The following EDC4 variants were observed in gnomAD, a reference collection of about 807,000 sequenced individuals.
EDC4 encodes enhancer of mRNA-decapping protein 4.
A neutral mutation model predicts 155.8 loss-of-function variants in EDC4; 64 were observed. The observed-to-expected ratio is 0.41, with a 90% CI of 0.34 to 0.51. EDC4 has a LOEUF of 0.51. Among genes scored for constraint, EDC4 ranks in the 20% least tolerant of loss-of-function variants. The pLI is 0.19. For missense variants in EDC4, 1,303 were observed against 1,812.5 expected (o/e 0.72, Z 5.10); for synonymous variants, 684 against 716.8 (o/e 0.95, Z 0.73).
chr16:67,878,559 T>C lies in EDC4; in HGVS notation c.1112T>C (p.Ile371Thr). The part of the protein sequence containing the change: ...DPDVPFWRFL[I>T]TGADQNRELK... ...AGTGTCCCTTTCTGGAGGTTCCTTA[T>C]TACTGGTGCTGACCAGAACCGAGAG... The change falls in exon 10 of 29, where the codon ATT (isoleucine) becomes ACT (threonine). Residue 371 changes from isoleucine (I) to threonine (T), a missense_variant. Physicochemically the swap from Ile to Thr is moderately conservative, Grantham distance 89. Coordinates refer to ENST00000358933, the MANE Select transcript of EDC4 (RefSeq NM_014329.5). The surrounding 1 kb of genome is among the most constrained non-coding windows in gnomAD (Gnocchi z 5.2). 1 of 1,614,224 alleles carries C rather than the reference T, an allele frequency of 6.2e-7. No individual in the cohort carries two copies. Among genetic ancestry groups the C allele is most frequent in the East Asian group, 2.2e-5 (1 of 44,890 alleles).
chr16:67,879,546 C>T lies in EDC4; in HGVS notation c.1634-41C>T, dbSNP rs1889670825. 1 of 1,613,870 alleles carries T rather than the reference C, an allele frequency of 6.2e-7. No individual in the cohort carries two copies. The highest frequency in any genetic ancestry group is 1.3e-5 in the African/African-American group (1 of 75,014). On this transcript the variant is annotated intron_variant, in intron 14 of 28. Transcript: ENST00000358933. The surrounding 1 kb of genome is among the most constrained non-coding windows in gnomAD (Gnocchi z 6.0). ...GGGAGGTAGGGTAAGTTGGACTGACCAGGGTCTGAGATCTAACTCAAGTGG... is the reference window on the plus strand; with the variant it reads ...GGGAGGTAGGGTAAGTTGGACTGACTAGGGTCTGAGATCTAACTCAAGTGG...
In EDC4 at chr16:67,882,788, C is replaced by T. The variant is rs2058074686; in HGVS notation, c.3552C>T (p.Ala1184=). The T allele has an allele frequency of 1.9e-6, 3 of 1,614,194 alleles. No individual in the cohort carries two copies. The East Asian group carries it at 6.7e-5, about 36-fold the overall frequency. ...LRGLVSTLQS[A]TEQMAATVAG... is the part of the protein sequence containing the mutation. ...GCCTGGTCAGCACACTGCAGAGTGCCACTGAGCAGATGGCAGCCACCGTGG... is the reference window on the plus strand; with the variant it reads ...GCCTGGTCAGCACACTGCAGAGTGCTACTGAGCAGATGGCAGCCACCGTGG... Residue 1184 remains alanine, a synonymous_variant, in exon 26 of 29, where the codon GCC becomes GCT. Coordinates refer to ENST00000358933, the MANE Select transcript of EDC4 (RefSeq NM_014329.5). The surrounding 1 kb of genome is among the most constrained non-coding windows in gnomAD (Gnocchi z 7.2).
At chr16:67,873,435 A>G (rs892069665) in intron 1 of EDC4, 92 bp downstream of exon 1, 1 of 1,039,880 alleles carries the variant, frequency 9.6e-7, no homozygotes, top group African/African-American at 1.7e-5. Context: ...CTCCCTTAGG[A>G]CTAGCTCTGG....
rs1397144572 is a variant in EDC4 at position 67,881,461 on chromosome 16, C to T, written c.2790-36C>T. On this transcript the variant is annotated intron_variant, in intron 20 of 28. Coordinates refer to ENST00000358933, the MANE Select transcript of EDC4 (RefSeq NM_014329.5). The surrounding 1 kb of genome is among the most constrained non-coding windows in gnomAD (Gnocchi z 5.4). Reference sequence around the variant, plus strand: ...GAGGGAGAGGGTGGTCTCTAGGCTGCCTCACATAGCCTGAGGTGCTTCTCG... The same window carrying T: ...GAGGGAGAGGGTGGTCTCTAGGCTGTCTCACATAGCCTGAGGTGCTTCTCG... 1 of 1,614,150 alleles carries T rather than the reference C, an allele frequency of 6.2e-7. No individual in the cohort carries two copies. Among genetic ancestry groups the T allele is most frequent in the Non-Finnish European group, 8.5e-7 (1 of 1,180,012 alleles).
chr16:67,882,958 C>G lies in EDC4; in HGVS notation c.3630C>G (p.Ser1210Arg). The G allele has an allele frequency of 6.2e-7, 1 of 1,613,780 alleles. No individual in the cohort carries two copies. The highest frequency in any genetic ancestry group is 8.5e-7 in the Non-Finnish European group (1 of 1,179,676). Residue 1210 changes from serine to arginine, a missense_variant and splice_region_variant, in exon 27 of 29, where the codon AGC becomes AGG. Physicochemically the swap from Ser to Arg is moderately radical, Grantham distance 110 (BLOSUM62 -1). Coordinates refer to ENST00000358933, the MANE Select transcript of EDC4 (RefSeq NM_014329.5). The surrounding 1 kb of genome is among the most constrained non-coding windows in gnomAD (Gnocchi z 7.2). ...TCACCTCACTCACTTCCCTTTGCAG[C>G]CTGCAGGAGTCCATTTTAGCACAGG... ...VQHQLHVAVG[S>R]LQESILAQVQ...
rs2058051579 is a variant in EDC4, at chr16:67,878,568, C to G, written c.1121C>G (p.Ala374Gly). Residue 374 changes from alanine to glycine, a missense_variant, in exon 10 of 29, where the codon GCT (alanine) becomes GGT (glycine). By Grantham distance (60) the Ala-to-Gly change is moderately conservative (BLOSUM62 0). Transcript: ENST00000358933. This position sits in a 1 kb window ranked among gnomAD's most constrained non-coding sequence, Gnocchi z 5.2. ...TTCTGGAGGTTCCTTATTACTGGTGCTGACCAGAACCGAGAGTTAAAGATG... is the reference window on the plus strand; with the variant it reads ...TTCTGGAGGTTCCTTATTACTGGTGGTGACCAGAACCGAGAGTTAAAGATG... Reference protein sequence around the residue: ...VPFWRFLITGADQNRELKMWC... With the variant: ...VPFWRFLITGGDQNRELKMWC... The G allele has an allele frequency of 6.2e-7, 1 of 1,614,232 alleles. No individual in the cohort carries two copies. The highest frequency in any genetic ancestry group is 1.3e-5 in the African/African-American group (1 of 75,046).
rs369579565 is a variant in EDC4 at position 67,880,059 on chromosome 16, C to T, written c.1944-4C>T. On this transcript the variant is annotated splice_polypyrimidine_tract_variant and splice_region_variant and intron_variant, in intron 16 of 28. Transcript: ENST00000358933. The surrounding 1 kb of genome is among the most constrained non-coding windows in gnomAD (Gnocchi z 5.2). ...CTGCTGACACCTCAGCCTTCCCCCACCAGGCCACCTGAGGAGCTGACCTTG... is the reference window on the plus strand; with the variant it reads ...CTGCTGACACCTCAGCCTTCCCCCATCAGGCCACCTGAGGAGCTGACCTTG... The T allele has an allele frequency of 1.9e-6, 3 of 1,597,028 alleles. No individual in the cohort carries two copies. In the African/African-American group the frequency reaches 4.0e-5, roughly 21 times the overall value.
Position 67,876,626 on chromosome 16 carries a change from A to G in EDC4, c.351+27A>G, listed in dbSNP as rs2058042630. ...TAGGTACTGGGATGCTGTGGCATAT[A>G]TAATGTACGGGGGCACACCCAGCCT... On this transcript the variant is annotated intron_variant, in intron 3 of 28. Coordinates refer to ENST00000358933, the MANE Select transcript of EDC4 (RefSeq NM_014329.5). This position sits in a 1 kb window ranked among gnomAD's most constrained non-coding sequence, Gnocchi z 5.8. The G allele has an allele frequency of 1.2e-6, 2 of 1,612,924 alleles. No individual in the cohort carries two copies. Among genetic ancestry groups the G allele is most frequent in the Non-Finnish European group, 1.7e-6 (2 of 1,179,578 alleles).
chr16:67,878,015 G>A lies in EDC4; in HGVS notation c.895-151G>A. 2 of 1,484,010 alleles carry A rather than the reference G, an allele frequency of 1.3e-6. No individual in the cohort carries two copies. The highest frequency in any genetic ancestry group is 1.3e-5 in the South Asian group (1 of 76,004). 91.9% of individuals were successfully genotyped at this position (1,484,010 alleles called of 1,614,324 possible). ...CTTTCTCCTTATCTAGCAGCACCCT[G>A]CAGGTCTGGCCTTCTCTAGGAACCC... On this transcript the variant is annotated intron_variant, in intron 7 of 28. Coordinates refer to ENST00000358933, the MANE Select transcript of EDC4 (RefSeq NM_014329.5). This position sits in a 1 kb window ranked among gnomAD's most constrained non-coding sequence, Gnocchi z 5.2.
In EDC4 at chr16:67,880,826, C is replaced by T. The variant is rs374260047; in HGVS notation, c.2367C>T (p.Leu789=). The T allele has an allele frequency of 8.7e-5, 140 of 1,613,798 alleles. No individual in the cohort carries two copies. Among genetic ancestry groups the T allele is most frequent in the Non-Finnish European group, 1.1e-4 (130 of 1,179,994 alleles). The part of the protein sequence containing the change: ...LSPRPRPGPE[L]GPQLGLDGGP... ...CACGGCCCCGGCCAGGGCCCGAGCT[C>T]GGCCCCCAGCTCGGGCTTGATGGAG... Residue 789 remains leucine, a synonymous_variant, in exon 18 of 29, where the codon CTC becomes CTT. Coordinates refer to ENST00000358933, the MANE Select transcript of EDC4 (RefSeq NM_014329.5). This position sits in a 1 kb window ranked among gnomAD's most constrained non-coding sequence, Gnocchi z 5.2.
chr16:67,877,844 C>G lies in EDC4; in HGVS notation c.893C>G (p.Thr298Arg). The part of the protein sequence containing the change: ...QGFIVVKGHS[T>R]CLSEGALSPD... The stretch of plus-strand genomic sequence containing the variant: ...TTCATTGTGGTAAAAGGTCATAGCA[C>G]GGTAAGCCTGTGACTGCCTGCCTCC... Residue 298 changes from threonine to arginine, a missense_variant and splice_region_variant, in exon 7 of 29, where the codon ACG becomes AGG. By Grantham distance (71) the Thr-to-Arg change is moderately conservative (BLOSUM62 -1). Around this residue, in one of 5 missense-constraint regions of EDC4, gnomAD observed 235 missense variants for 367.7 expected, o/e 0.64. Coordinates refer to ENST00000358933, the MANE Select transcript of EDC4 (RefSeq NM_014329.5). The surrounding 1 kb of genome is among the most constrained non-coding windows in gnomAD (Gnocchi z 4.9). 1.2e-6 allele frequency: 2 copies of G among 1,613,956 alleles called. No homozygotes were observed. The highest frequency in any genetic ancestry group is 1.7e-6 in the Non-Finnish European group (2 of 1,180,006).
At position 67,878,389 on chromosome 16, in the gene EDC4, G is replaced by T; in HGVS notation, c.1034G>T (p.Gly345Val). The change falls in exon 9 of 29, where the codon GGG becomes GTG. Residue 345 changes from glycine (G) to valine (V), a missense_variant. Physicochemically the swap from Gly to Val is moderately radical, Grantham distance 109. This residue lies in a region of EDC4 where 235 missense variants were observed against 367.7 expected (regional missense o/e 0.64). Coordinates refer to ENST00000358933, the MANE Select transcript of EDC4 (RefSeq NM_014329.5). The surrounding 1 kb of genome is among the most constrained non-coding windows in gnomAD (Gnocchi z 5.2). ...CTGCACGAGTGGAAACCTCATGATG[G>T]GCGGCCCCTCTCCTGCCTCCTGTTC... ...RCLHEWKPHDGRPLSCLLFCD... is the reference protein window; with the variant it reads ...RCLHEWKPHDVRPLSCLLFCD... The T allele has an allele frequency of 6.2e-7, 1 of 1,614,170 alleles. No individual in the cohort carries two copies. Among genetic ancestry groups the T allele is most frequent in the South Asian group, 1.1e-5 (1 of 91,084 alleles).
chr16:67,875,751 A>G (rs1340519437), intron 1 of EDC4, 194 bp from the exon 2 acceptor site: 4 of 1,391,840 alleles, frequency 2.9e-6, no homozygotes, highest in Admixed American at 6.1e-5. Flanking sequence ...GAAGAGCCTC[A>G]TGCTCATCCT....
rs201552092 is a variant in EDC4, at chr16:67,879,642, C to G, written c.1689C>G (p.His563Gln). ...LGSEGLGSAA[H>Q]GSQPDLRRIV... The stretch of plus-strand genomic sequence containing the variant: ...CTGAGGGCCTGGGGTCAGCCGCTCA[C>G]GGCTCCCAGCCTGACCTCCGACGAA... Residue 563 changes from histidine to glutamine, a missense_variant, in exon 15 of 29, where the codon CAC becomes CAG. Physicochemically the swap from His to Gln is conservative, Grantham distance 24 (BLOSUM62 0). Transcript: ENST00000358933. This position sits in a 1 kb window ranked among gnomAD's most constrained non-coding sequence, Gnocchi z 6.0. 1.2e-6 allele frequency: 2 copies of G among 1,614,176 alleles called. No homozygotes were observed. Among genetic ancestry groups the G allele is most frequent in the East Asian group, 2.2e-5 (1 of 44,888 alleles).
rs747711628 is a variant in EDC4, at chr16:67,881,993, G to T, written c.3044G>T (p.Arg1015Leu). ...LERALAEGQQRGGQLQEQLTQ... is the reference protein window; with the variant it reads ...LERALAEGQQLGGQLQEQLTQ... ...CGAGCACTGGCTGAGGGGCAGCAGC[G>T]GGGAGGGCAGCTGCAGGAGCAGCTG... The change falls in exon 23 of 29, where the codon CGG becomes CTG. Residue 1015 changes from arginine to leucine, a missense_variant. By Grantham distance (102) the Arg-to-Leu change is moderately radical. This residue lies in a region of EDC4 where 527 missense variants were observed against 757.0 expected (regional missense o/e 0.70). Coordinates refer to ENST00000358933, the MANE Select transcript of EDC4 (RefSeq NM_014329.5). This position sits in a 1 kb window ranked among gnomAD's most constrained non-coding sequence, Gnocchi z 5.4. 4.3e-6 allele frequency: 7 copies of T among 1,610,714 alleles called. No homozygotes were observed. The highest frequency in any genetic ancestry group is 5.1e-6 in the Non-Finnish European group (6 of 1,178,686).
Position 67,878,321 on chromosome 16 carries a change from C to G in EDC4, c.1005-39C>G, listed in dbSNP as rs2058050399. 1 of 1,614,200 alleles carries G rather than the reference C, an allele frequency of 6.2e-7. No homozygotes were observed. The highest frequency in any genetic ancestry group is 2.2e-5 in the East Asian group (1 of 44,884). ...CCAGGATCCTCCCGAGGTAGCCCAC[C>G]CGACCACTCACTCAGGCCCCTCATC... On this transcript the variant is annotated intron_variant, in intron 8 of 28. Transcript: ENST00000358933. This position sits in a 1 kb window ranked among gnomAD's most constrained non-coding sequence, Gnocchi z 5.2.
Position 67,883,202 on chromosome 16 carries a change from A to G in EDC4, c.3849+25A>G, listed in dbSNP as rs1285573599. The G allele has an allele frequency of 6.5e-7, 1 of 1,537,882 alleles. No individual in the cohort carries two copies. Among genetic ancestry groups the G allele is most frequent in the Non-Finnish European group, 8.8e-7 (1 of 1,141,442 alleles). On this transcript the variant is annotated intron_variant, in intron 27 of 28. Transcript: ENST00000358933. The surrounding 1 kb of genome is among the most constrained non-coding windows in gnomAD (Gnocchi z 5.3). The stretch of plus-strand genomic sequence containing the variant: ...GGTACGATAGGCATTAGGCCCTGCT[A>G]AGGGTCACGTGTCTCTTGACAAGGC...
intron 1 of EDC4, among the ~76,000 whole-genome samples, chr16:67,875,007 G>C (rs1472949422): frequency 1.3e-5 from 2 of 152,160 alleles, no homozygotes; most frequent in Non-Finnish European, 2.9e-5. Context: ...TTGAACCCAG[G>C]GGGTAGAGGT....
At position 67,883,846 on chromosome 16, in the gene EDC4, A is replaced by G; in HGVS notation, c.4014-110A>G. On this transcript the variant is annotated intron_variant, in intron 28 of 28. Coordinates refer to ENST00000358933, the MANE Select transcript of EDC4 (RefSeq NM_014329.5). This position sits in a 1 kb window ranked among gnomAD's most constrained non-coding sequence, Gnocchi z 5.3. ...AATCCTCTCCCTAATTTTCTCCACC[A>G]GTCCTTTCTGCCTTCACCCAGAGGG... 1.3e-6 allele frequency: 2 copies of G among 1,537,728 alleles called. No homozygotes were observed. The highest frequency in any genetic ancestry group is 4.5e-5 in the East Asian group (2 of 44,170).
Sources: allele counts gnomAD v4.1 joint callset (sites outside exome capture counted in the v4.1 genomes callset), GRCh38; gene constraint gnomAD v4.1.1; regional missense constraint gnomAD v4.1.1; non-coding constraint Gnocchi (gnomAD v3.1); transcripts MANE v1.5; gene names NCBI Gene and HGNC (gene_info 2026-07-23, HGNC 2026-07-21).